KGD4: variants seen among roughly 807,000 people sequenced by gnomAD.
KGD4 encodes the protein alpha-ketoglutarate dehydrogenase subunit 4.
At chr5:69,221,198 A>G in the KGD4 span, among the ~76,000 whole-genome samples, 2 of 151,644 alleles carry the variant, frequency 1.3e-5, no homozygotes, top group Non-Finnish European at 2.9e-5. Context: ...TAAAAAAAAA[A>G]AAAAAAATTA....
chr5:69,217,982 C>T, the KGD4 span: 7 of 1,570,134 alleles, frequency 4.5e-6, no homozygotes, highest in Non-Finnish European at 6.1e-6. Context: ...GACCGCGCCT[C>T]TGCGGAGGGC....
chr5:69,223,315 A>G, the KGD4 span, among the ~76,000 whole-genome samples: 5 of 151,590 alleles, frequency 3.3e-5, no homozygotes, highest in Non-Finnish European at 7.4e-5. Flanking sequence ...TCCTGACCTC[A>G]TGATCCACCC....
the KGD4 span, among the ~76,000 whole-genome samples, chr5:69,219,477 CACAA>C: frequency 6.6e-6 from 1 of 152,068 alleles, no homozygotes; most frequent in Non-Finnish European, 1.5e-5. Context: ...GCCCCCAAAC[CACAA>C]ACAATCTCTA....
chr5:69,222,736 A>C, the KGD4 span, among the ~76,000 whole-genome samples: 6 of 152,042 alleles, frequency 3.9e-5, no homozygotes, highest in East Asian at 1.2e-3. Context: ...GATAGGATAG[A>C]TAGAACATTC....
At chr5:69,217,829 C>G in the KGD4 span, 1 of 1,613,924 alleles carries the variant, frequency 6.2e-7, no homozygotes, top group East Asian at 2.2e-5. Flanking sequence ...TCTCGGGGGT[C>G]ATGATGGGCA....
At chr5:69,225,729 C>T in the KGD4 span, among the ~76,000 whole-genome samples, 1 of 151,920 alleles carries the variant, frequency 6.6e-6, no homozygotes, top group Non-Finnish European at 1.5e-5. Context: ...TACAGGCACG[C>T]ATCACCATGC....
chr5:69,217,813 G>A, the KGD4 span: 2 of 1,613,580 alleles, frequency 1.2e-6, no homozygotes, highest in African/African-American at 1.3e-5. Context: ...CCCGGAAACT[G>A]CCCCTTCTCG....
chr5:69,218,300 C>A, the KGD4 span, among the ~76,000 whole-genome samples: 1 of 152,244 alleles, frequency 6.6e-6, no homozygotes, highest in East Asian at 1.9e-4. Context: ...AACCCTGGAT[C>A]TGACCCACTG....
the KGD4 span, chr5:69,218,164 T>A: frequency 4.0e-6 from 2 of 504,344 alleles, no homozygotes; most frequent in Non-Finnish European, 3.5e-6. Flanking sequence ...AGGACCTTGT[T>A]AGTCTTAGGC....
chr5:69,218,146 C>G, the KGD4 span: 2 of 522,346 alleles, frequency 3.8e-6, no homozygotes, highest in Non-Finnish European at 6.7e-6. Context: ...ATCCCCCGCT[C>G]CTCCGCCAGG....
the KGD4 span, among the ~76,000 whole-genome samples, chr5:69,224,891 G>A: frequency 6.6e-6 from 1 of 151,804 alleles, no homozygotes; most frequent in Non-Finnish European, 1.5e-5. Flanking sequence ...TGGCTAACAC[G>A]GTGAAACCCC....
At chr5:69,220,724 G>A in the KGD4 span, among the ~76,000 whole-genome samples, 1 of 152,066 alleles carries the variant, frequency 6.6e-6, no homozygotes. Flanking sequence ...TGATGACGAT[G>A]GCGGTTTTGT....
chr5:69,218,163 T>A, the KGD4 span: 1 of 516,548 alleles, frequency 1.9e-6, no homozygotes, highest in Non-Finnish European at 3.4e-6. Context: ...CAGGACCTTG[T>A]TAGTCTTAGG....
the KGD4 span, among the ~76,000 whole-genome samples, chr5:69,221,486 A>G: frequency 3.9e-5 from 6 of 152,350 alleles, no homozygotes; most frequent in South Asian, 2.1e-4. Context: ...ATAAAGAGAT[A>G]GTCAACTGAT....
the KGD4 span, among the ~76,000 whole-genome samples, chr5:69,225,815 G>A: frequency 3.9e-4 from 60 of 152,202 alleles, no homozygotes; most frequent in Non-Finnish European, 6.5e-4. Flanking sequence ...TCCTGACCTC[G>A]TGATCCGTCC....
chr5:69,218,049 G>A, the KGD4 span: 19 of 981,432 alleles, frequency 1.9e-5, no homozygotes, highest in South Asian at 2.7e-4. Flanking sequence ...GTTGGACCGG[G>A]CAGTGAGGTG....
At chr5:69,229,916 T>A in the KGD4 span, 2 of 151,868 alleles carry the variant, frequency 1.3e-5, no homozygotes, top group Non-Finnish European at 2.9e-5. Context: ...TTGCAATTTA[T>A]TATGTTTTGG....
chr5:69,226,643 T>C, the KGD4 span, among the ~76,000 whole-genome samples: 1 of 152,156 alleles, frequency 6.6e-6, no homozygotes, highest in African/African-American at 2.4e-5. Flanking sequence ...GGTCAGGAGT[T>C]CAAGACCAGC....
chr5:69,222,472 G>A, the KGD4 span, among the ~76,000 whole-genome samples: 9 of 152,204 alleles, frequency 5.9e-5, no homozygotes, highest in African/African-American at 1.9e-4. Context: ...GAGAAAGGCT[G>A]GCAAAGTAGG....
Sources: allele counts gnomAD v4.1 joint callset (sites outside exome capture counted in the v4.1 genomes callset), GRCh38; gene constraint gnomAD v4.1.1; transcripts MANE v1.5; gene names NCBI Gene and HGNC (gene_info 2026-07-23, HGNC 2026-07-21).